CCM2: variants seen among roughly 807,000 people sequenced by gnomAD.
CCM2 encodes CCM2 scaffold protein, also known as cerebral cavernous malformations 2 protein.
In CCM2, 25 loss-of-function variants were observed where a neutral mutation model predicts 44.9. The ratio of observed to expected loss-of-function variants is 0.56; its 90% CI spans 0.41 to 0.78. The LOEUF (loss-of-function observed/expected upper bound fraction) is 0.78, where lower values mean the gene tolerates loss of function less well. Ranked by LOEUF, CCM2 falls within the 30% of genes least tolerant of loss-of-function variation. The pLI is 0.00. For synonymous variants in CCM2, 219 were observed against 241.1 expected, an observed-to-expected ratio of 0.91 and a Z score of 0.85; for missense variants, 481 against 580.6, an observed-to-expected ratio of 0.83 and a Z score of 1.76.
chr7:45,002,960 TCTGTC>T (rs1375507156), intron 1 of CCM2, among the ~76,000 whole-genome samples: 7 of 152,214 alleles, frequency 4.6e-5, no homozygotes, highest in Non-Finnish European at 8.8e-5. Flanking sequence ...GGGCTGCTCT[TCTGTC>T]CTGATGTCTA....
chr7:45,048,065 G>T (rs763325531), intron 2 of CCM2, among the ~76,000 whole-genome samples: 1 of 139,706 alleles, frequency 7.2e-6, no homozygotes, highest in Non-Finnish European at 1.6e-5. Context: ...ACAATTGGAA[G>T]TCAATATCTT....
At chr7:45,047,072 C>G (rs907273429) in intron 2 of CCM2, among the ~76,000 whole-genome samples, 4 of 152,108 alleles carry the variant, frequency 2.6e-5, no homozygotes, top group African/African-American at 9.7e-5. Flanking sequence ...ACACAAGATG[C>G]TGGAGAAGAT....
intron 1 of CCM2, among the ~76,000 whole-genome samples, chr7:45,010,774 T>A (rs1362935978): frequency 2.6e-5 from 4 of 151,992 alleles, no homozygotes; most frequent in Non-Finnish European, 5.9e-5. Context: ...ATTTTTGTAT[T>A]TTTAGTAGAG....
chr7:45,065,074 C>T (rs556586167), intron 4 of CCM2, among the ~76,000 whole-genome samples: 1 of 152,316 alleles, frequency 6.6e-6, no homozygotes, highest in East Asian at 1.9e-4. Flanking sequence ...AAAGATGAGA[C>T]CCAGACCTCC....
rs1274314127 is a variant in CCM2, at chr7:45,000,299, G to A, written c.-35G>A. On this transcript the variant is annotated 5_prime_UTR_variant, in exon 1 of 10. Coordinates refer to ENST00000258781, the MANE Select transcript of CCM2 (RefSeq NM_031443.4). Reference sequence around the variant, plus strand: ...CTGCTGGCGGCGGGGCTCCCGGGGCGGGCCGGGCGGGCCGCGGGAGCCGCA... The same window carrying A: ...CTGCTGGCGGCGGGGCTCCCGGGGCAGGCCGGGCGGGCCGCGGGAGCCGCA... 4.8e-6 allele frequency: 6 copies of A among 1,239,176 alleles called. No homozygotes were observed. The highest frequency in any genetic ancestry group is 3.7e-5 in the South Asian group (1 of 27,088). 76.8% of individuals were successfully genotyped at this position (1,239,176 alleles called of 1,614,324 possible). A position where few individuals can be genotyped will look rare whatever the true frequency, so the allele number is the denominator to read the frequency against.
At chr7:45,058,981 G>T (rs1051012265) in intron 2 of CCM2, among the ~76,000 whole-genome samples, 1 of 151,526 alleles carries the variant, frequency 6.6e-6, no homozygotes, top group Non-Finnish European at 1.5e-5. Context: ...CTGACCTCAG[G>T]TGATCCACCT....
At chr7:45,023,203 T>A (rs1023337252) in intron 1 of CCM2, among the ~76,000 whole-genome samples, 2 of 152,186 alleles carry the variant, frequency 1.3e-5, no homozygotes, top group South Asian at 4.1e-4. Flanking sequence ...CTCCCACTTA[T>A]AAGTGAGAGA....
At chr7:45,070,839 G>A (rs1178467049) in intron 6 of CCM2, 2 of 158,498 alleles carry the variant, frequency 1.3e-5, no homozygotes, top group Non-Finnish European at 2.8e-5. Flanking sequence ...GGCTTGTTGA[G>A]TACAATTTCT....
At chr7:45,073,095 C>T in intron 7 of CCM2, 2 of 584,930 alleles carry the variant, frequency 3.4e-6, no homozygotes, top group East Asian at 5.8e-5. Flanking sequence ...GCTGGCCTTC[C>T]AGCCCATCTC....
chr7:45,069,840 G>T lies in CCM2; in HGVS notation c.624G>T (p.Glu208Asp). The change falls in exon 6 of 10, where the codon GAG becomes GAT. Residue 208 changes from glutamate (E) to aspartate (D), a missense_variant. Physicochemically the swap from Glu to Asp is conservative, Grantham distance 45. Transcript: ENST00000258781. ...CCCCACTGCAGGTCGCTGCGGAGGA[G>T]CTTTGCTGTCTGCTAGGCCAGGTCT... ...LAAESKVAAE[E>D]LCCLLGQVFQ... The T allele has an allele frequency of 6.2e-7, 1 of 1,614,190 alleles. No homozygotes were observed. The highest frequency in any genetic ancestry group is 8.5e-7 in the Non-Finnish European group (1 of 1,180,054).
chr7:45,074,827 C>G (rs1246408787), intron 9 of CCM2, among the ~76,000 whole-genome samples: 1 of 152,168 alleles, frequency 6.6e-6, no homozygotes, highest in Admixed American at 6.5e-5. Flanking sequence ...GCCAAGACCC[C>G]TAAAATGCTC....
At chr7:45,023,421 G>A (rs1045112335) in intron 1 of CCM2, among the ~76,000 whole-genome samples, 5 of 152,066 alleles carry the variant, frequency 3.3e-5, no homozygotes, top group Admixed American at 2.0e-4. Context: ...GTGGTGTTGC[G>A]CGTCTGTAAT....
intron 9 of CCM2, among the ~76,000 whole-genome samples, chr7:45,074,924 T>C (rs1279939642): frequency 6.6e-6 from 1 of 152,194 alleles, no homozygotes; most frequent in Non-Finnish European, 1.5e-5. Flanking sequence ...GGGCGGTGAC[T>C]TAGCTGTGGT....
At chr7:45,038,489 A>G (rs1361902167) in intron 2 of CCM2, 63 bp downstream of exon 2, 1 of 1,543,058 alleles carries the variant, frequency 6.5e-7, no homozygotes. Flanking sequence ...GCTTGTATCC[A>G]CCAGACACTC....
intron 4 of CCM2, 117 bp downstream of exon 4, chr7:45,064,763 C>A: frequency 2.9e-6 from 3 of 1,029,752 alleles, no homozygotes; most frequent in Non-Finnish European, 4.4e-6. Flanking sequence ...TTGTCACGAC[C>A]AATAATTGTC....
intron 1 of CCM2, among the ~76,000 whole-genome samples, chr7:45,033,920 C>T (rs1562877818): frequency 2.0e-5 from 3 of 152,142 alleles, no homozygotes; most frequent in Admixed American, 1.3e-4. Flanking sequence ...AATTGCATCA[C>T]TAAATTTTGA....
intron 2 of CCM2, among the ~76,000 whole-genome samples, chr7:45,042,099 C>G (rs999713201): frequency 1.3e-5 from 2 of 151,976 alleles, no homozygotes; most frequent in African/African-American, 4.8e-5. Context: ...CATGGTGAAA[C>G]CCCATCTCTA....
rs749788959 is a variant in CCM2 at position 45,072,739 on chromosome 7, A to C, written c.759A>C (p.Thr253=). The part of the protein sequence containing the change: ...HLSLHSDDSS[T]KVDIKETYEV... ...TCTTCCTTACAGATGACTCTTCTAC[A>C]AAAGTGGACATTAAGGAGACCTACG... The change falls in exon 7 of 10, where the codon ACA becomes ACC. Residue 253 remains threonine, a synonymous_variant. Transcript: ENST00000258781. 5 of 1,612,828 alleles carry C rather than the reference A, an allele frequency of 3.1e-6. No homozygotes were observed. In the African/African-American group the frequency reaches 6.7e-5, roughly 22 times the overall value.
rs371640199 is a variant in CCM2 at position 45,075,990 on chromosome 7, G to C, written c.1268G>C (p.Arg423Pro). The change falls in exon 10 of 10, where the codon CGC (arginine) becomes CCC (proline). Residue 423 changes from arginine (R) to proline (P), a missense_variant. Arg to Pro is a moderately radical substitution (Grantham distance 103). Transcript: ENST00000258781. The part of the protein sequence containing the change: ...SAPSEGDEWD[R>P]MISDISSDIE... The stretch of plus-strand genomic sequence containing the variant: ...CCCTCAGAGGGGGATGAGTGGGACC[G>C]CATGATCTCGGACATCAGCAGCGAC... 5.0e-6 allele frequency: 8 copies of C among 1,612,976 alleles called. No individual in the cohort carries two copies. The highest frequency in any genetic ancestry group is 1.3e-5 in the African/African-American group (1 of 74,922).
Sources: gnomAD v4.1 joint callset for allele counts (sites outside exome capture counted in the v4.1 genomes callset) on GRCh38, gnomAD v4.1.1 for gene constraint, MANE v1.5 for transcripts, NCBI Gene and HGNC (gene_info 2026-07-23, HGNC 2026-07-21) for gene names.